The following WDR35 variants were observed in gnomAD, a reference collection of about 807,000 sequenced individuals.
The protein encoded by WDR35 is WD repeat domain 35.
In WDR35, 118 loss-of-function variants were observed where a neutral mutation model predicts 158.3. That is an observed-to-expected ratio of 0.75 (90% CI 0.64 to 0.87). WDR35 has a LOEUF of 0.87. Among genes scored for constraint, WDR35 ranks in the 40% least tolerant of loss-of-function variants. The pLI is 0.00. For missense variants in WDR35, 1,263 were observed against 1,405.8 expected (o/e 0.90, Z 1.62); for synonymous variants, 448 against 476.1 (o/e 0.94, Z 0.77).
At position 19,945,698 on chromosome 2, in the gene WDR35, A is replaced by G; in HGVS notation, c.1845+88T>C. 8 of 1,483,542 alleles carry G rather than the reference A, an allele frequency of 5.4e-6. No homozygotes were observed. In the South Asian group the frequency reaches 9.1e-5, roughly 17 times the overall value. The allele number at this position is 1,483,542 out of a possible 1,614,324, so 91.9% of individuals were successfully genotyped here. ...CCGTGTTGGCACTGCTATTCAACAA[A>G]CTTCTTAAAGAAACAAAGGGGAATC... On this transcript the variant is annotated intron_variant, in intron 16 of 26. Transcript: ENST00000281405.
At chr2:19,974,300 T>C (rs1490930715) in intron 7 of WDR35, among the ~76,000 whole-genome samples, 168 bp downstream of exon 7, 4 of 151,724 alleles carry the variant, frequency 2.6e-5, no homozygotes, top group Non-Finnish European at 5.9e-5. Flanking sequence ...TCCCAGCTAC[T>C]CGGGAGGCTG....
intron 8 of WDR35, among the ~76,000 whole-genome samples, chr2:19,970,620 C>CAATG (rs940595629): frequency 6.6e-6 from 1 of 152,220 alleles, no homozygotes; most frequent in Non-Finnish European, 1.5e-5. Flanking sequence ...GCATGGCATA[C>CAATG]AATGCCTTTT....
At chr2:19,978,685 A>C (rs1672287226) in intron 5 of WDR35, 66 bp downstream of exon 5, 2 of 1,608,708 alleles carry the variant, frequency 1.2e-6, no homozygotes, top group Non-Finnish European at 1.7e-6. Context: ...AACTAACTTA[A>C]ATCTCTAAAG....
At position 19,936,496 on chromosome 2, in the gene WDR35, T is replaced by A. The variant is rs78848859; in HGVS notation, c.2268-131A>T. ...GGACAATGTGACTCTCCAAACACTTTAGGAACTTAGCCTGACTAGCTAAGA... is the reference window on the plus strand; with the variant it reads ...GGACAATGTGACTCTCCAAACACTTAAGGAACTTAGCCTGACTAGCTAAGA... On this transcript the variant is annotated intron_variant, in intron 19 of 26. Coordinates refer to ENST00000281405, the MANE Select transcript of WDR35 (RefSeq NM_020779.4). 3.0e-6 allele frequency: 4 copies of A among 1,346,968 alleles called. No homozygotes were observed. In the East Asian group the frequency reaches 7.1e-5, roughly 24 times the overall value. 83.4% of individuals were successfully genotyped at this position (1,346,968 alleles called of 1,614,324 possible).
chr2:19,930,684 T>C (rs1670499355), intron 24 of WDR35, 132 bp from the exon 25 acceptor site: 5 of 1,353,296 alleles, frequency 3.7e-6, no homozygotes, highest in Non-Finnish European at 1.0e-6. Flanking sequence ...TACAGACTTT[T>C]TTTTTTAAGA....
chr2:19,940,209 C>T (rs148050509), intron 17 of WDR35, among the ~76,000 whole-genome samples: 7 of 117,068 alleles, frequency 6.0e-5, no homozygotes, highest in Non-Finnish European at 3.6e-5. Flanking sequence ...AAAAAAAAAA[C>T]ACAAAAAATT....
intron 4 of WDR35, among the ~76,000 whole-genome samples, chr2:19,980,136 T>C (rs979010995): frequency 1.3e-5 from 2 of 152,254 alleles, no homozygotes; most frequent in African/African-American, 4.8e-5. Flanking sequence ...ATTATTCCCT[T>C]TGACTTCTTA....
intron 11 of WDR35, 54 bp downstream of exon 11, chr2:19,960,500 A>G (rs1270648066): frequency 7.1e-7 from 1 of 1,400,366 alleles, no homozygotes; most frequent in Non-Finnish European, 1.0e-6. Context: ...TTTTTAAATT[A>G]GTGTTACAAA....
chr2:19,953,705 AAATT>A, intron 12 of WDR35, 125 bp downstream of exon 12: 2 of 1,222,468 alleles, frequency 1.6e-6, no homozygotes, highest in African/African-American at 1.5e-5. Flanking sequence ...AAAGATAATC[AAATT>A]AATTGAAAAA....
intron 2 of WDR35, among the ~76,000 whole-genome samples, chr2:19,986,030 T>C (rs1393024422): frequency 8.6e-5 from 13 of 151,492 alleles, no homozygotes; most frequent in East Asian, 1.9e-4. Flanking sequence ...TGATGGTAGC[T>C]GGAGCTATAG....
At chr2:19,920,753 TA>T (rs1670143704) in intron 25 of WDR35, among the ~76,000 whole-genome samples, 1 of 152,096 alleles carries the variant, frequency 6.6e-6, no homozygotes, top group Non-Finnish European at 1.5e-5. Flanking sequence ...GAGAAAGAAA[TA>T]AAGGATATTC....
chr2:19,985,081 G>C (rs1288111047), intron 2 of WDR35, among the ~76,000 whole-genome samples: 1 of 152,176 alleles, frequency 6.6e-6, no homozygotes, highest in African/African-American at 2.4e-5. Flanking sequence ...TTGGAAGGTT[G>C]AGGCAATGTC....
intron 10 of WDR35, chr2:19,962,200 G>T: frequency 7.7e-7 from 1 of 1,296,214 alleles, no homozygotes; most frequent in Non-Finnish European, 1.1e-6. Flanking sequence ...ACCTTCTGAA[G>T]TCCCCTCATA....
At chr2:19,933,594 G>A (rs1171554456) in intron 21 of WDR35, 83 bp from the exon 22 acceptor site, 3 of 1,186,300 alleles carry the variant, frequency 2.5e-6, no homozygotes, top group East Asian at 2.5e-5. Flanking sequence ...CCGTAGGGAC[G>A]TATGAGTATT....
Position 19,934,159 on chromosome 2 carries a change from T to A in WDR35, c.2548-648A>T, listed in dbSNP as rs1051403365. On this transcript the variant is annotated intron_variant, in intron 21 of 26. Coordinates refer to ENST00000281405, the MANE Select transcript of WDR35 (RefSeq NM_020779.4). This position sits in a 1 kb window ranked among gnomAD's most constrained non-coding sequence, Gnocchi z 4.6. ...TTCAGAATATCTAATTAGCCAGAGGTTTTCCCTCCCCAACCCTTCTACAAT... is the reference window on the plus strand; with the variant it reads ...TTCAGAATATCTAATTAGCCAGAGGATTTCCCTCCCCAACCCTTCTACAAT... 7.9e-5 allele frequency among the ~76,000 whole-genome samples: 12 copies of A among 151,698 alleles called. No homozygotes were observed. Among genetic ancestry groups the A allele is most frequent in the African/African-American group, 2.7e-4 (11 of 41,248 alleles).
chr2:19,982,556 T>C, intron 2 of WDR35, 22 bp from the exon 3 acceptor site: 1 of 1,607,658 alleles, frequency 6.2e-7, no homozygotes, highest in Non-Finnish European at 8.5e-7. Flanking sequence ...CAAAACAAAC[T>C]ACTATGATAA....
intron 9 of WDR35, among the ~76,000 whole-genome samples, chr2:19,968,666 T>C (rs1446267676): frequency 6.6e-6 from 1 of 152,190 alleles, no homozygotes; most frequent in African/African-American, 2.4e-5. Context: ...ACCTTGTATT[T>C]TCCCTGCCCT....
At chr2:19,988,928 C>T (rs1672655484) in intron 2 of WDR35, among the ~76,000 whole-genome samples, 1 of 152,200 alleles carries the variant, frequency 6.6e-6, no homozygotes, top group African/African-American at 2.4e-5. Context: ...GACTTATTTT[C>T]ATTCTTCATT....
rs1418266904 is a variant in WDR35, at chr2:19,960,578, A to G, written c.1231T>C (p.Leu411=). 2 of 1,609,548 alleles carry G rather than the reference A, an allele frequency of 1.2e-6. No homozygotes were observed. The highest frequency in any genetic ancestry group is 1.7e-6 in the Non-Finnish European group (2 of 1,176,802). The stretch of plus-strand genomic sequence containing the variant: ...CCAATATCAATGTATTTGGGATCCA[A>G]GGGTGTACCAATAGAATTACAAAGA... ...LVLCNSIGTP[L]DPKYIDIVPL... is the part of the protein sequence containing the mutation. The change falls in exon 11 of 27, where the codon TTG becomes CTG. Residue 411 remains leucine (L), a synonymous_variant. Coordinates refer to ENST00000281405, the MANE Select transcript of WDR35 (RefSeq NM_020779.4).
Sources: gnomAD v4.1 joint callset for allele counts (sites outside exome capture counted in the v4.1 genomes callset) on GRCh38, gnomAD v4.1.1 for gene constraint, Gnocchi (gnomAD v3.1) non-coding constraint, MANE v1.5 for transcripts, NCBI Gene and HGNC (gene_info 2026-07-23, HGNC 2026-07-21) for gene names.